ZMPSTE24: variants seen among roughly 807,000 people sequenced by gnomAD.
ZMPSTE24 encodes the protein zinc metallopeptidase STE24.
In ZMPSTE24, 48 loss-of-function variants were observed where a neutral mutation model predicts 56.7. The observed-to-expected ratio is 0.85, with a 90% CI of 0.67 to 1.08. The LOEUF is 1.08. ZMPSTE24 is among the 50% of genes least tolerant of loss of function. ZMPSTE24 has a pLI of 0.00. For missense variants in ZMPSTE24, 503 were observed against 548.7 expected (o/e 0.92, Z 0.83); for synonymous variants, 172 against 195.2 (o/e 0.88, Z 0.99).
intron 4 of ZMPSTE24, among the ~76,000 whole-genome samples, chr1:40,269,042 C>G (rs973178503): frequency 5.7e-5 from 8 of 141,550 alleles, no homozygotes; most frequent in Non-Finnish European, 3.0e-5. Flanking sequence ...CGCCACTGCA[C>G]TCCAGCCTGG....
chr1:40,278,557 C>CAAAAAAAAAAAAAAAAAAAAA (rs397979953), intron 6 of ZMPSTE24, among the ~76,000 whole-genome samples: 1 of 19,542 alleles, frequency 5.1e-5, no homozygotes, highest in Non-Finnish European at 9.5e-5. Flanking sequence ...GACTCCGTCT[C>CAAAAAAAAAAAAAAAAAAAAA]AAAAAAAAAA....
chr1:40,292,711 T>C lies in ZMPSTE24; in HGVS notation c.*42T>C, dbSNP rs1451342824. The C allele has an allele frequency of 6.3e-7, 1 of 1,581,736 alleles. No individual in the cohort carries two copies. The highest frequency in any genetic ancestry group is 8.7e-7 in the Non-Finnish European group (1 of 1,151,532). ...GACTGAAGACATTTCTGATTATTTC[T>C]GTCCTGGCAGCATGTTCCAGCTCTT... On this transcript the variant is annotated 3_prime_UTR_variant, in exon 10 of 10. Transcript: ENST00000372759.
Position 40,281,371 on chromosome 1 carries a change from T to C in ZMPSTE24, c.798T>C (p.Ala266=), listed in dbSNP as rs752268345. 49 of 1,614,058 alleles carry C rather than the reference T, an allele frequency of 3.0e-5. No homozygotes were observed. The highest frequency in any genetic ancestry group is 1.6e-4 in the Middle Eastern group (1 of 6,082). Residue 266 remains alanine, a synonymous_variant, in exon 7 of 10, where the codon GCT becomes GCC. Coordinates refer to ENST00000372759, the MANE Select transcript of ZMPSTE24 (RefSeq NM_005857.5). ...EGSKRSSHSN[A]YFYGFFKNKR... is the part of the protein sequence containing the mutation. Reference sequence around the variant, plus strand: ...CTAAACGCTCTTCCCACAGCAATGCTTATTTTTATGGCTTCTTCAAGAACA... The same window carrying C: ...CTAAACGCTCTTCCCACAGCAATGCCTATTTTTATGGCTTCTTCAAGAACA...
chr1:40,274,987 A>G lies in ZMPSTE24; in HGVS notation c.769+2952A>G, dbSNP rs369139734. Among the ~76,000 whole-genome samples, 12 of 152,212 alleles carry G rather than the reference A, an allele frequency of 7.9e-5. 1 individual carries two copies. Among genetic ancestry groups the G allele is most frequent in the East Asian group, 3.9e-4 (2 of 5,178 alleles). ...GTAGTTTCCTGAGATGGAAAAAAAT[A>G]GGAGAAGAGTAGGTTTGTGGGGAAT... On this transcript the variant is annotated intron_variant, in intron 6 of 9. Coordinates refer to ENST00000372759, the MANE Select transcript of ZMPSTE24 (RefSeq NM_005857.5).
At chr1:40,288,147 C>A (rs190381055) in intron 8 of ZMPSTE24, among the ~76,000 whole-genome samples, 1 of 152,092 alleles carries the variant, frequency 6.6e-6, no homozygotes, top group South Asian at 2.1e-4. Context: ...CACTGCACTT[C>A]CAGCCTGGGT....
At chr1:40,261,645 A>C (rs914785783) in intron 2 of ZMPSTE24, among the ~76,000 whole-genome samples, 1 of 152,176 alleles carries the variant, frequency 6.6e-6, no homozygotes, top group African/African-American at 2.4e-5. Context: ...CCTGGCATGT[A>C]ATCAGCATAT....
intron 2 of ZMPSTE24, among the ~76,000 whole-genome samples, chr1:40,264,173 A>C (rs1643526212): frequency 6.6e-6 from 1 of 152,236 alleles, no homozygotes; most frequent in South Asian, 2.1e-4. Context: ...GTCTCTACTA[A>C]AAATACAAAA....
chr1:40,285,842 A>C, intron 7 of ZMPSTE24, 83 bp from the exon 8 acceptor site: 1 of 1,098,498 alleles, frequency 9.1e-7, no homozygotes, highest in Non-Finnish European at 1.3e-6. Context: ...TTAAGTTAAA[A>C]TCTATGAAGG....
Position 40,290,861 on chromosome 1 carries a change from C to T in ZMPSTE24, c.1067C>T (p.Ser356Phe). Reference sequence around the variant, plus strand: ...TCATGTCCTTCTTTCTAGATGAATTCTTTCCTGTGTTTTTTTTTATTTGCT... The same window carrying T: ...TCATGTCCTTCTTTCTAGATGAATTTTTTCCTGTGTTTTTTTTTATTTGCT... ...VKNIIISQMN[S>F]FLCFFLFAVL... Residue 356 changes from serine to phenylalanine, a missense_variant, in exon 9 of 10, where the codon TCT becomes TTT. Ser to Phe is a radical substitution (Grantham distance 155, BLOSUM62 -2). Coordinates refer to ENST00000372759, the MANE Select transcript of ZMPSTE24 (RefSeq NM_005857.5). The T allele has an allele frequency of 6.2e-7, 1 of 1,613,822 alleles. No individual in the cohort carries two copies. The highest frequency in any genetic ancestry group is 8.5e-7 in the Non-Finnish European group (1 of 1,179,912).
At position 40,291,839 on chromosome 1, in the gene ZMPSTE24, C is replaced by CTTT. The variant is rs769515049; in HGVS notation, c.1204-589_1204-587dup. Among the ~76,000 whole-genome samples, 99 of 132,916 alleles carry CTTT rather than the reference C, an allele frequency of 7.4e-4. 1 individual carries two copies. The highest frequency in any genetic ancestry group is 6.7e-3 in the South Asian group (27 of 4,050). 87.2% of individuals were successfully genotyped at this position (132,916 alleles called of 152,430 possible). A position where few individuals can be genotyped will look rare whatever the true frequency, so the allele number is the denominator to read the frequency against. ...AACTGAGATGTATTATCTTAAAACT[C>CTTT]TTTTTTTTTTTTTTTTTTTAAGATG... On this transcript the variant is annotated intron_variant, in intron 9 of 9. Coordinates refer to ENST00000372759, the MANE Select transcript of ZMPSTE24 (RefSeq NM_005857.5).
chr1:40,261,930 C>T (rs1643502033), intron 2 of ZMPSTE24, among the ~76,000 whole-genome samples: 1 of 152,122 alleles, frequency 6.6e-6, no homozygotes, highest in South Asian at 2.1e-4. Context: ...AGGATGGTCT[C>T]GATCTCTTGA....
At chr1:40,283,172 C>T (rs201158424) in intron 7 of ZMPSTE24, among the ~76,000 whole-genome samples, 2 of 152,082 alleles carry the variant, frequency 1.3e-5, no homozygotes, top group East Asian at 3.8e-4. Flanking sequence ...AAGAATAACC[C>T]AGTGATAACA....
Position 40,290,951 on chromosome 1 carries a change from T to C in ZMPSTE24, c.1157T>C (p.Ile386Thr), listed in dbSNP as rs750532344. ...TTTTATGATAGCCAACCCACTCTTA[T>C]TGGACTATTGATCATCTTCCAGTTT... ...FGFYDSQPTL[I>T]GLLIIFQFIF... is the part of the protein sequence containing the mutation. Residue 386 changes from isoleucine to threonine, a missense_variant, in exon 9 of 10, where the codon ATT becomes ACT. Ile to Thr is a moderately conservative substitution (Grantham distance 89). Transcript: ENST00000372759. The C allele has an allele frequency of 2.5e-6, 4 of 1,614,150 alleles. No individual in the cohort carries two copies. The highest frequency in any genetic ancestry group is 3.3e-5 in the Admixed American group (2 of 60,028).
chr1:40,283,301 C>T (rs1331713943), intron 7 of ZMPSTE24, among the ~76,000 whole-genome samples: 2 of 152,048 alleles, frequency 1.3e-5, no homozygotes, highest in African/African-American at 2.4e-5. Flanking sequence ...GCCAGGAGTT[C>T]GAGACCAGCC....
At chr1:40,282,208 G>GT (rs1298556786) in intron 7 of ZMPSTE24, among the ~76,000 whole-genome samples, 1 of 152,204 alleles carries the variant, frequency 6.6e-6, no homozygotes, top group Non-Finnish European at 1.5e-5. Flanking sequence ...TCTAGATATA[G>GT]TAACTGGAGC....
At chr1:40,271,684 T>C (rs1643615512) in intron 5 of ZMPSTE24, among the ~76,000 whole-genome samples, 1 of 152,242 alleles carries the variant, frequency 6.6e-6, no homozygotes, top group South Asian at 2.1e-4. Context: ...TACTCTGTTA[T>C]CAGACTACTC....
At chr1:40,278,552 C>T (rs1176382385) in intron 6 of ZMPSTE24, among the ~76,000 whole-genome samples, 41 of 58,938 alleles carry the variant, frequency 7.0e-4, no homozygotes, top group African/African-American at 2.8e-3. Flanking sequence ...AGTGAGACTC[C>T]GTCTCAAAAA....
chr1:40,270,096 A>G lies in ZMPSTE24; in HGVS notation c.596A>G (p.Tyr199Cys). The G allele has an allele frequency of 6.2e-7, 1 of 1,613,798 alleles. No homozygotes were observed. Among genetic ancestry groups the G allele is most frequent in the Non-Finnish European group, 8.5e-7 (1 of 1,179,896 alleles). The change falls in exon 5 of 10, where the codon TAT becomes TGT. Residue 199 changes from tyrosine to cysteine, a missense_variant. Physicochemically the swap from Tyr to Cys is radical, Grantham distance 194 (BLOSUM62 -2). Transcript: ENST00000372759. ...ATTGGGGGTGACTATTTTTTTATTT[A>G]TGCCTGGCTGTTCACATTAGTTGTG... is the stretch of plus-strand genomic sequence containing the variant. ...IKIGGDYFFI[Y>C]AWLFTLVVSL... is the part of the protein sequence containing the mutation.
In ZMPSTE24 at chr1:40,281,439, T is replaced by C. The variant is rs773530082; in HGVS notation, c.866T>C (p.Val289Ala). ...LFDTLLEEYS[V>A]LNKDIQEDSG... ...GACACTCTACTAGAAGAGTACTCTG[T>C]ACTAAACAAAGACATCCAGGAGGAT... Residue 289 changes from valine to alanine, a missense_variant, in exon 7 of 10, where the codon GTA (valine) becomes GCA (alanine). By Grantham distance (64) the Val-to-Ala change is moderately conservative. Transcript: ENST00000372759. 6.2e-7 allele frequency: 1 copy of C among 1,613,990 alleles called. No homozygotes were observed. Among genetic ancestry groups the C allele is most frequent in the African/African-American group, 1.3e-5 (1 of 74,924 alleles).
Sources: gnomAD v4.1 joint callset for allele counts (sites outside exome capture counted in the v4.1 genomes callset) on GRCh38, gnomAD v4.1.1 for gene constraint, MANE v1.5 for transcripts, NCBI Gene and HGNC (gene_info 2026-07-23, HGNC 2026-07-21) for gene names.